The following BCAT2 variants were observed in gnomAD, a reference collection of about 807,000 sequenced individuals.
The protein encoded by BCAT2 is branched chain amino acid transaminase 2.
Under a neutral mutation model 52.9 loss-of-function variants are expected in BCAT2, and 44 were observed. The observed-to-expected ratio is 0.83, with a 90% CI of 0.65 to 1.07. The LOEUF (loss-of-function observed/expected upper bound fraction) is 1.07, where lower values mean the gene tolerates loss of function less well. Ranked by LOEUF, BCAT2 falls within the 50% of genes least tolerant of loss-of-function variation. BCAT2 has a pLI of 0.00. For synonymous variants in BCAT2, 215 were observed against 217.1 expected, an observed-to-expected ratio of 0.99 and a Z score of 0.08; for missense variants, 478 against 521.8, an observed-to-expected ratio of 0.92 and a Z score of 0.82.
Position 48,807,728 on chromosome 19 carries a change from G to T in BCAT2, c.25-654C>A. 2 of 986,626 alleles carry T rather than the reference G, an allele frequency of 2.0e-6. No homozygotes were observed. The highest frequency in any genetic ancestry group is 2.4e-6 in the Non-Finnish European group (2 of 830,146). 61.1% of individuals were successfully genotyped at this position (986,626 alleles called of 1,614,324 possible). A position where few individuals can be genotyped will look rare whatever the true frequency, so the allele number is the denominator to read the frequency against. ...GGAGTACAGGTGCTTATTCTCTGAA[G>T]GTATTCGATCAACTGGGCTCTGATT... is the stretch of plus-strand genomic sequence containing the variant. On this transcript the variant is annotated intron_variant, in intron 1 of 10. Transcript: ENST00000316273. The surrounding 1 kb of genome is among the most constrained non-coding windows in gnomAD (Gnocchi z 4.6).
intron 3 of BCAT2, among the ~76,000 whole-genome samples, chr19:48,803,791 G>A (rs1436929496): frequency 6.6e-6 from 1 of 152,200 alleles, no homozygotes; most frequent in African/African-American, 2.4e-5. Flanking sequence ...TAATAGGTAT[G>A]GGGGATTAAA....
chr19:48,807,348 T>TCG lies in BCAT2; in HGVS notation c.25-276_25-275dup. On this transcript the variant is annotated intron_variant, in intron 1 of 10. Transcript: ENST00000316273. This position sits in a 1 kb window ranked among gnomAD's most constrained non-coding sequence, Gnocchi z 4.6. ...CGCCTCCCACCCCAGAGACCTTTGGTCGCAGCCTGGAGATCAGCTCAGACA... is the reference window on the plus strand; with the variant it reads ...CGCCTCCCACCCCAGAGACCTTTGGTCGCGCAGCCTGGAGATCAGCTCAGACA... 2.7e-6 allele frequency: 1 copy of TCG among 376,568 alleles called. No homozygotes were observed. Among genetic ancestry groups the TCG allele is most frequent in the Non-Finnish European group, 4.9e-6 (1 of 205,368 alleles). 23.3% of individuals were successfully genotyped at this position (376,568 alleles called of 1,614,324 possible).
At chr19:48,795,953 A>AGAGAAGAATTTCCAG (rs2034500806) in intron 10 of BCAT2, 1 of 264,254 alleles carries the variant, frequency 3.8e-6, no homozygotes, top group African/African-American at 2.2e-5. Context: ...CCAAAGGGAT[A>AGAGAAGAATTTCCAG]GCCCAGGGCT....
chr19:48,810,695 C>T, intron 1 of BCAT2: 1 of 914,982 alleles, frequency 1.1e-6, no homozygotes, highest in Non-Finnish European at 1.4e-6. Context: ...ACCTCCCCAC[C>T]CCCACGCCTC....
chr19:48,800,853 C>T (rs1037845957), intron 3 of BCAT2, among the ~76,000 whole-genome samples: 1 of 152,038 alleles, frequency 6.6e-6, no homozygotes, highest in African/African-American at 2.4e-5. Context: ...TTTGCTTGTT[C>T]AGCATCTGCT....
At chr19:48,804,684 G>A (rs1356411303) in intron 3 of BCAT2, among the ~76,000 whole-genome samples, 4 of 152,108 alleles carry the variant, frequency 2.6e-5, no homozygotes, top group East Asian at 3.9e-4. Flanking sequence ...CTGGACCCGC[G>A]GGATCACAGC....
chr19:48,804,504 T>C (rs1357780227), intron 3 of BCAT2, among the ~76,000 whole-genome samples: 1 of 151,976 alleles, frequency 6.6e-6, no homozygotes, highest in Non-Finnish European at 1.5e-5. Flanking sequence ...GATTGTATCA[T>C]TGCACTCCAA....
At chr19:48,810,716 G>C in intron 1 of BCAT2, 9 of 858,060 alleles carry the variant, frequency 1.0e-5, no homozygotes, top group South Asian at 2.3e-5. Flanking sequence ...CCTCATTACA[G>C]GGTCCTCCAC....
At chr19:48,805,726 C>G (rs1468728852) in intron 3 of BCAT2, among the ~76,000 whole-genome samples, 3 of 135,968 alleles carry the variant, frequency 2.2e-5, no homozygotes, top group African/African-American at 8.5e-5. Flanking sequence ...CCGGCTGTCC[C>G]TCTCCCGCCA....
In BCAT2 at chr19:48,799,743, G is replaced by T; in HGVS notation, c.627C>A (p.Val209=). ...AYFPGGSVTP[V]SLLADPAFIR... is the part of the protein sequence containing the mutation. ...TGAAGGCTGGGTCGGCCAGGAGGGA[G>T]ACCGGGGTCACGGAGCCTCCAGGGA... The change falls in exon 6 of 11, where the codon GTC becomes GTA. Residue 209 remains valine, a synonymous_variant. Transcript: ENST00000316273. This position sits in a 1 kb window ranked among gnomAD's most constrained non-coding sequence, Gnocchi z 5.5. The T allele has an allele frequency of 6.3e-7, 1 of 1,588,766 alleles. No individual in the cohort carries two copies. Among genetic ancestry groups the T allele is most frequent in the Non-Finnish European group, 8.6e-7 (1 of 1,168,648 alleles).
chr19:48,809,827 G>A (rs1301643777), intron 1 of BCAT2, among the ~76,000 whole-genome samples: 1 of 149,262 alleles, frequency 6.7e-6, no homozygotes, highest in Non-Finnish European at 1.5e-5. Flanking sequence ...TCCCTATGTT[G>A]CTGTCTAGGC....
At chr19:48,802,179 C>T (rs1389983582) in intron 3 of BCAT2, among the ~76,000 whole-genome samples, 1 of 152,104 alleles carries the variant, frequency 6.6e-6, no homozygotes, top group Non-Finnish European at 1.5e-5. Flanking sequence ...GAGAAAAATG[C>T]AAATTAAAAT....
At position 48,800,289 on chromosome 19, in the gene BCAT2, C is replaced by T. The variant is rs2034630916; in HGVS notation, c.309G>A (p.Glu103=). Residue 103 remains glutamate (E), a synonymous_variant, in exon 4 of 11, where the codon GAG becomes GAA. Transcript: ENST00000316273. ...SSLHYSLQLF[E]GMKAFKGKDQ... Reference sequence around the variant, plus strand: ...CTTTGCCTTTGAACGCCTTCATGCCCTCAAACAGCTGCGGGGACACGCGGG... The same window carrying T: ...CTTTGCCTTTGAACGCCTTCATGCCTTCAAACAGCTGCGGGGACACGCGGG... The T allele has an allele frequency of 6.2e-7, 1 of 1,613,542 alleles. No individual in the cohort carries two copies. The highest frequency in any genetic ancestry group is 1.1e-5 in the South Asian group (1 of 91,082).
At chr19:48,800,154 T>C in intron 4 of BCAT2, 33 bp downstream of exon 4, 2 of 1,612,376 alleles carry the variant, frequency 1.2e-6, no homozygotes, top group Non-Finnish European at 1.7e-6. Flanking sequence ...GCCCCAGCCC[T>C]CCTCCCCACC....
At position 48,807,461 on chromosome 19, in the gene BCAT2, GTCCTGCTC is replaced by G. The variant is rs2034816597; in HGVS notation, c.25-395_25-388del. On this transcript the variant is annotated intron_variant, in intron 1 of 10. Transcript: ENST00000316273. The surrounding 1 kb of genome is among the most constrained non-coding windows in gnomAD (Gnocchi z 4.6). ...GCCTTAGAAGACCAAGGACCGACAGGTCCTGCTCCCCCAGAGCTCAGGGGTGCAGACCC... is the reference window on the plus strand; with the variant it reads ...GCCTTAGAAGACCAAGGACCGACAGGCCCCAGAGCTCAGGGGTGCAGACCC... The G allele has an allele frequency of 1.1e-5, 2 of 188,466 alleles. No individual in the cohort carries two copies. Among genetic ancestry groups the G allele is most frequent in the South Asian group, 1.8e-4 (2 of 10,974 alleles). The allele number at this position is 188,466 out of a possible 1,614,324, so 11.7% of individuals were successfully genotyped here. A position where few individuals can be genotyped will look rare whatever the true frequency, so the allele number is the denominator to read the frequency against.
rs1033304218 is a variant in BCAT2 at position 48,799,913 on chromosome 19, G to A, written c.531+68C>T. On this transcript the variant is annotated intron_variant, in intron 5 of 10. Coordinates refer to ENST00000316273, the MANE Select transcript of BCAT2 (RefSeq NM_001190.4). The surrounding 1 kb of genome is among the most constrained non-coding windows in gnomAD (Gnocchi z 5.5). ...CCCGTCCCCAGGCCCAGGCCTCCAG[G>A]ACCCCACCCCTGCCCTGCAGAATCC... 6.2e-7 allele frequency: 1 copy of A among 1,602,216 alleles called. No individual in the cohort carries two copies. The highest frequency in any genetic ancestry group is 8.5e-7 in the Non-Finnish European group (1 of 1,174,596).
In BCAT2 at chr19:48,799,950, C is replaced by CCCAG; in HGVS notation, c.531+27_531+30dup. On this transcript the variant is annotated intron_variant, in intron 5 of 10. Coordinates refer to ENST00000316273, the MANE Select transcript of BCAT2 (RefSeq NM_001190.4). This position sits in a 1 kb window ranked among gnomAD's most constrained non-coding sequence, Gnocchi z 5.5. ...GCCCTGCAGAATCCAACCCCCGCAG[C>CCCAG]CCAGCTTCCCAGCCCTGGAGTTGGG... 4 of 1,610,894 alleles carry CCCAG rather than the reference C, an allele frequency of 2.5e-6. No homozygotes were observed. The highest frequency in any genetic ancestry group is 3.4e-6 in the Non-Finnish European group (4 of 1,177,940).
chr19:48,798,147 C>A (rs201886755), intron 6 of BCAT2, among the ~76,000 whole-genome samples: 1 of 150,948 alleles, frequency 6.6e-6, no homozygotes, highest in Non-Finnish European at 1.5e-5. Flanking sequence ...TCAAGTGATC[C>A]GCCTACCTCG....
At position 48,799,652 on chromosome 19, in the gene BCAT2, C is replaced by T. The variant is rs376389720; in HGVS notation, c.695+23G>A. The T allele has an allele frequency of 1.9e-6, 3 of 1,544,850 alleles. No individual in the cohort carries two copies. The highest frequency in any genetic ancestry group is 2.8e-5 in the African/African-American group (2 of 72,162). On this transcript the variant is annotated intron_variant, in intron 6 of 10. Coordinates refer to ENST00000316273, the MANE Select transcript of BCAT2 (RefSeq NM_001190.4). This position sits in a 1 kb window ranked among gnomAD's most constrained non-coding sequence, Gnocchi z 5.5. ...TCCAACGCCCAGTGCGCCAGTCGTT[C>T]TGGGGATGGGGGTGCTACTTACCCA...
Sources: allele counts gnomAD v4.1 joint callset (sites outside exome capture counted in the v4.1 genomes callset), GRCh38; gene constraint gnomAD v4.1.1; non-coding constraint Gnocchi (gnomAD v3.1); transcripts MANE v1.5; gene names NCBI Gene and HGNC (gene_info 2026-07-23, HGNC 2026-07-21).